MYLK2: variants seen among roughly 807,000 people sequenced by gnomAD.
MYLK2 encodes the protein myosin light chain kinase 2, skeletal/cardiac muscle.
A neutral mutation model predicts 58.2 loss-of-function variants in MYLK2; 27 were observed. That is an observed-to-expected ratio of 0.46 (90% CI 0.34 to 0.64). The LOEUF (loss-of-function observed/expected upper bound fraction) is 0.64. MYLK2 is among the 30% of genes least tolerant of loss of function. The probability of loss-of-function intolerance (pLI) is 0.01; values close to 1 mark genes in which losing one functional copy is unlikely to be tolerated. For synonymous variants in MYLK2, 310 were observed against 296.7 expected (o/e 1.04, Z -0.46); for missense variants, 676 against 764.3 (o/e 0.88, Z 1.36).
chr20:31,827,195 T>C, intron 8 of MYLK2: 11 of 984,998 alleles, frequency 1.1e-5, no homozygotes, highest in African/African-American at 1.7e-5. Flanking sequence ...GTACTAAGTA[T>C]TTGTTGAAAG....
At position 31,826,667 on chromosome 20, in the gene MYLK2, G is replaced by T; in HGVS notation, c.1035G>T (p.Leu345=). 3.1e-6 allele frequency: 5 copies of T among 1,614,126 alleles called. No homozygotes were observed. Among genetic ancestry groups the T allele is most frequent in the Middle Eastern group, 1.6e-4 (1 of 6,062 alleles). The change falls in exon 7 of 13, where the codon CTG becomes CTT. Residue 345 remains leucine (L), a synonymous_variant. Transcript: ENST00000375985. ...TGAACCACCGCAATCTGATCCAGCT[G>T]TATGCAGCCATCGAGACTCCGCATG... The part of the protein sequence containing the change: ...NQLNHRNLIQ[L]YAAIETPHEI...
At chr20:31,825,683 G>A (rs2062275478) in intron 6 of MYLK2, among the ~76,000 whole-genome samples, 1 of 152,144 alleles carries the variant, frequency 6.6e-6, no homozygotes, top group African/African-American at 2.4e-5. Flanking sequence ...AAAGACATAT[G>A]TGAGGTGAGA....
chr20:31,819,716 G>C, intron 2 of MYLK2, 84 bp downstream of exon 2: 1 of 1,469,912 alleles, frequency 6.8e-7, no homozygotes, highest in Non-Finnish European at 9.3e-7. Context: ...CTCAGTGGGA[G>C]TTCTGTGCCC....
chr20:31,827,843 C>T (rs1321247374), intron 8 of MYLK2, among the ~76,000 whole-genome samples: 2 of 149,278 alleles, frequency 1.3e-5, no homozygotes, highest in African/African-American at 4.9e-5. Flanking sequence ...TGACCTTGCT[C>T]ACTACCATGC....
chr20:31,820,399 A>G lies in MYLK2; in HGVS notation c.326A>G (p.Lys109Arg), dbSNP rs1368408237. 6.2e-7 allele frequency: 1 copy of G among 1,612,846 alleles called. No individual in the cohort carries two copies. The highest frequency in any genetic ancestry group is 1.7e-5 in the Admixed American group (1 of 60,024). Residue 109 changes from lysine (K) to arginine (R), a missense_variant, in exon 3 of 13, where the codon AAG becomes AGG. Physicochemically the swap from Lys to Arg is conservative, Grantham distance 26. Coordinates refer to ENST00000375985, the MANE Select transcript of MYLK2 (RefSeq NM_033118.4). ...ACTGCGACACCTGAGACCAGCGTCA[A>G]GAAGCCCAAGGCTGAGCAGGGAGCC... is the stretch of plus-strand genomic sequence containing the variant. ...QQTATPETSV[K>R]KPKAEQGASG...
In MYLK2 at chr20:31,820,530, C is replaced by G; in HGVS notation, c.457C>G (p.Pro153Ala). Residue 153 changes from proline to alanine, a missense_variant, in exon 3 of 13, where the codon CCT (proline) becomes GCT (alanine). Transcript: ENST00000375985. The stretch of plus-strand genomic sequence containing the variant: ...TGCCTTTCTGCATAGCCCCAGCTGT[C>G]CTGCCATCATCTCCAGGTGAATATC... ...SPAFLHSPSC[P>A]AIISSSEKLL... 6.2e-7 allele frequency: 1 copy of G among 1,601,576 alleles called. No individual in the cohort carries two copies. Among genetic ancestry groups the G allele is most frequent in the Non-Finnish European group, 8.5e-7 (1 of 1,179,956 alleles).
intron 8 of MYLK2, among the ~76,000 whole-genome samples, chr20:31,829,788 G>A (rs1171117960): frequency 2.0e-5 from 3 of 152,206 alleles, no homozygotes; most frequent in African/African-American, 4.8e-5. Flanking sequence ...ACTTAAAAAT[G>A]TTTATACCCT....
At chr20:31,824,398 T>A (rs1176539086) in intron 6 of MYLK2, 46 bp downstream of exon 6, 1 of 1,579,550 alleles carries the variant, frequency 6.3e-7, no homozygotes, top group African/African-American at 1.4e-5. Context: ...GGGGAGGGGA[T>A]CCTTGGAGTG....
chr20:31,826,932 C>T lies in MYLK2; in HGVS notation c.1218C>T (p.Asp406=). Residue 406 remains aspartate (D), a synonymous_variant, in exon 8 of 13, where the codon GAC becomes GAT. Transcript: ENST00000375985. ...FMHKMRVLHL[D]LKPENILCVN... ...ACAAGATGAGGGTTTTGCACCTGGA[C>T]CTCAAGGTACCAGACTGGGGCCTCC... 1 of 1,614,084 alleles carries T rather than the reference C, an allele frequency of 6.2e-7. No individual in the cohort carries two copies. The highest frequency in any genetic ancestry group is 8.5e-7 in the Non-Finnish European group (1 of 1,180,008).
Position 31,833,890 on chromosome 20 carries a change from C to G in MYLK2, c.*93C>G. On this transcript the variant is annotated 3_prime_UTR_variant, in exon 13 of 13. Transcript: ENST00000375985. The stretch of plus-strand genomic sequence containing the variant: ...AGGCCAGAAAAGGCAGCCAGATCCC[C>G]AGGGCAGCCTCGTTAGGACAAGGCT... The G allele has an allele frequency of 3.3e-6, 4 of 1,216,618 alleles. No individual in the cohort carries two copies. The highest frequency in any genetic ancestry group is 2.5e-5 in the South Asian group (2 of 81,408). The allele number at this position is 1,216,618 out of a possible 1,614,324, so 75.4% of individuals were successfully genotyped here.
chr20:31,824,370 G>T lies in MYLK2; in HGVS notation c.972+18G>T. On this transcript the variant is annotated intron_variant, in intron 6 of 12. Transcript: ENST00000375985. ...AAGACAAGGTAGTGAGGTTGCGGGG[G>T]TGGTGGCTGCCCAGGATGGGGAGGG... The T allele has an allele frequency of 1.9e-6, 3 of 1,601,604 alleles. No individual in the cohort carries two copies. The highest frequency in any genetic ancestry group is 2.6e-6 in the Non-Finnish European group (3 of 1,172,810).
Position 31,821,466 on chromosome 20 carries a change from C to T in MYLK2, c.501C>T (p.Pro167=), listed in dbSNP as rs2123127664. 3 of 1,613,760 alleles carry T rather than the reference C, an allele frequency of 1.9e-6. No individual in the cohort carries two copies. Among genetic ancestry groups the T allele is most frequent in the Non-Finnish European group, 2.5e-6 (3 of 1,180,036 alleles). ...SSSEKLLAKK[P]PSEASELTFE... The stretch of plus-strand genomic sequence containing the variant: ...CTGAGAAGCTGCTGGCCAAGAAGCC[C>T]CCAAGCGAGGCATCAGAGCTCACCT... Residue 167 remains proline, a synonymous_variant, in exon 4 of 13, where the codon CCC becomes CCT. Transcript: ENST00000375985.
chr20:31,824,249 C>G lies in MYLK2; in HGVS notation c.879-10C>G. 6.2e-7 allele frequency: 1 copy of G among 1,612,560 alleles called. No homozygotes were observed. The highest frequency in any genetic ancestry group is 8.5e-7 in the Non-Finnish European group (1 of 1,179,280). Reference sequence around the variant, plus strand: ...GGGGTCCCCTCACTTACAGCCTCTTCTCTTTCCAGTGGCAAGTTTGGGGCA... The same window carrying G: ...GGGGTCCCCTCACTTACAGCCTCTTGTCTTTCCAGTGGCAAGTTTGGGGCA... On this transcript the variant is annotated splice_polypyrimidine_tract_variant and intron_variant, in intron 5 of 12. Transcript: ENST00000375985.
In MYLK2 at chr20:31,834,650, C is replaced by T. The variant is rs2062324654; in HGVS notation, c.*853C>T. 6.5e-6 allele frequency: 1 copy of T among 152,758 alleles called. No homozygotes were observed. Among genetic ancestry groups the T allele is most frequent in the Admixed American group, 6.5e-5 (1 of 15,286 alleles). The allele number at this position is 152,758 out of a possible 1,614,324, so 9.5% of individuals were successfully genotyped here. A position where few individuals can be genotyped will look rare whatever the true frequency, so the allele number is the denominator to read the frequency against. ...CATGGGGCAGCCTCCAGTCTGCTCT[C>T]AGCTTGTGCCTTGTAAATAAATGTA... is the stretch of plus-strand genomic sequence containing the variant. On this transcript the variant is annotated 3_prime_UTR_variant, in exon 13 of 13. Coordinates refer to ENST00000375985, the MANE Select transcript of MYLK2 (RefSeq NM_033118.4).
At chr20:31,830,936 C>T in intron 9 of MYLK2, 47 bp downstream of exon 9, 1 of 1,524,324 alleles carries the variant, frequency 6.6e-7, no homozygotes, top group Non-Finnish European at 8.8e-7. Flanking sequence ...TCTGAGTTGG[C>T]AGGGGACAGG....
At chr20:31,830,365 C>T (rs929463937) in intron 8 of MYLK2, among the ~76,000 whole-genome samples, 25 of 152,076 alleles carry the variant, frequency 1.6e-4, no homozygotes, top group African/African-American at 6.0e-4. Flanking sequence ...AGTGTGAAGC[C>T]CCGTGTTCCC....
At chr20:31,830,428 A>G (rs2062300144) in intron 8 of MYLK2, among the ~76,000 whole-genome samples, 1 of 152,020 alleles carries the variant, frequency 6.6e-6, no homozygotes, top group Non-Finnish European at 1.5e-5. Flanking sequence ...TGTTCTCTGG[A>G]GCTTCATGTA....
intron 8 of MYLK2, 59 bp from the exon 9 acceptor site, chr20:31,830,760 G>A (rs2062301894): frequency 6.4e-7 from 1 of 1,573,252 alleles, no homozygotes; most frequent in African/African-American, 1.4e-5. Context: ...CACGGGCCTG[G>A]TGGGAGAGGG....
rs1346736387 is a variant in MYLK2, at chr20:31,826,841, A to G, written c.1127A>G (p.Tyr376Cys). 6.2e-7 allele frequency: 1 copy of G among 1,614,004 alleles called. No individual in the cohort carries two copies. Among genetic ancestry groups the G allele is most frequent in the African/African-American group, 1.3e-5 (1 of 74,874 alleles). The change falls in exon 8 of 13, where the codon TAC becomes TGC. Residue 376 changes from tyrosine (Y) to cysteine (C), a missense_variant. Transcript: ENST00000375985. The stretch of plus-strand genomic sequence containing the variant: ...TTCGAGAGGATTGTGGATGAGGACT[A>G]CCATCTGACCGAGGTGGACACCATG... ...ELFERIVDEDYHLTEVDTMVF... is the reference protein window; with the variant it reads ...ELFERIVDEDCHLTEVDTMVF...
Sources: allele counts gnomAD v4.1 joint callset (sites outside exome capture counted in the v4.1 genomes callset), GRCh38; gene constraint gnomAD v4.1.1; transcripts MANE v1.5; gene names NCBI Gene and HGNC (gene_info 2026-07-23, HGNC 2026-07-21).